Variants in PIKFYVE observed in about 807,000 individuals in gnomAD.
PIKFYVE encodes phosphoinositide kinase, FYVE-type zinc finger containing, also known as 1-phosphatidylinositol 3-phosphate 5-kinase.
PIKFYVE carries 122 observed loss-of-function variants against 257.9 expected under a neutral mutation model. The observed-to-expected ratio is 0.47, with a 90% CI of 0.41 to 0.55. PIKFYVE has a LOEUF of 0.55. Among genes scored for constraint, PIKFYVE ranks in the 20% least tolerant of loss-of-function variants. The probability of loss-of-function intolerance (pLI) is 0.00; values close to 1 mark genes in which losing one functional copy is unlikely to be tolerated. For missense variants in PIKFYVE, 2,160 were observed against 2,536.6 expected (o/e 0.85, Z 3.19); for synonymous variants, 892 against 868.9 (o/e 1.03, Z -0.47).
chr2:208,289,858 G>C (rs1692067732), intron 7 of PIKFYVE, among the ~76,000 whole-genome samples: 2 of 152,136 alleles, frequency 1.3e-5, no homozygotes, highest in African/African-American at 4.8e-5. Flanking sequence ...GTGAGCCACT[G>C]CATCTGGCCA....
At chr2:208,336,253 T>C in intron 27 of PIKFYVE, 53 bp downstream of exon 27, 1 of 1,605,466 alleles carries the variant, frequency 6.2e-7, no homozygotes, top group South Asian at 1.1e-5. Flanking sequence ...TTTGTTCTAA[T>C]GTGATATCTT....
chr2:208,297,518 G>A (rs1240624094), intron 7 of PIKFYVE, among the ~76,000 whole-genome samples: 1 of 151,998 alleles, frequency 6.6e-6, no homozygotes, highest in Non-Finnish European at 1.5e-5. Flanking sequence ...TTTTTCAATT[G>A]ACACCTAATT....
At position 208,329,935 on chromosome 2, in the gene PIKFYVE, C is replaced by T. The variant is rs1866047; in HGVS notation, c.3791+22C>T. ...TCAGGTAAGAACATATTTCTTCCTT[C>T]TGTTCCATTACACATTTTTGATGCT... On this transcript the variant is annotated intron_variant, in intron 22 of 41. Coordinates refer to ENST00000264380, the MANE Select transcript of PIKFYVE (RefSeq NM_015040.4). The T allele has an allele frequency of 1.5e-3, 2,361 of 1,607,860 alleles. 31 individuals are homozygous for T. In the African/African-American group the frequency reaches 0.028, roughly 19 times the overall value.
In PIKFYVE at chr2:208,304,296, A is replaced by C; in HGVS notation, c.1446A>C (p.Glu482Asp). 2 of 1,614,184 alleles carry C rather than the reference A, an allele frequency of 1.2e-6. No homozygotes were observed. The highest frequency in any genetic ancestry group is 8.5e-7 in the Non-Finnish European group (1 of 1,180,008). Residue 482 changes from glutamate (E) to aspartate (D), a missense_variant, in exon 11 of 42, where the codon GAA becomes GAC. Glu to Asp is a conservative substitution (Grantham distance 45). Transcript: ENST00000264380. The stretch of plus-strand genomic sequence containing the variant: ...ACAGTGACACAGAACAGATAGCTGA[A>C]GAAGGTGACGATAATTTGGCTAGTG... ...FDDSDTEQIA[E>D]EGDDNLANSA... is the part of the protein sequence containing the mutation.
At chr2:208,276,867 C>T (rs758650125) in intron 4 of PIKFYVE, 37 bp downstream of exon 4, 35 of 1,531,860 alleles carry the variant, frequency 2.3e-5, no homozygotes, top group African/African-American at 2.7e-5. Context: ...ACTTATTAAG[C>T]GCTTATGGGG....
At position 208,358,133 on chromosome 2, in the gene PIKFYVE, G is replaced by A. The variant is rs1700263869; in HGVS notation, c.*2828G>A. The A allele has an allele frequency of 6.6e-6, 1 of 152,230 alleles. No individual in the cohort carries two copies. The highest frequency in any genetic ancestry group is 2.4e-5 in the African/African-American group (1 of 41,390). 9.4% of individuals were successfully genotyped at this position (152,230 alleles called of 1,614,324 possible). On this transcript the variant is annotated 3_prime_UTR_variant, in exon 42 of 42. Coordinates refer to ENST00000264380, the MANE Select transcript of PIKFYVE (RefSeq NM_015040.4). Reference sequence around the variant, plus strand: ...ATTTTCTAGCTTTGGCTCTTATTAGGTATTGTAAATAGTAGGGTTATATCG... The same window carrying A: ...ATTTTCTAGCTTTGGCTCTTATTAGATATTGTAAATAGTAGGGTTATATCG...
intron 32 of PIKFYVE, among the ~76,000 whole-genome samples, chr2:208,343,343 A>G (rs1236288918): frequency 6.6e-6 from 1 of 152,112 alleles, no homozygotes; most frequent in Non-Finnish European, 1.5e-5. Context: ...CTCATTTTCT[A>G]CTACCCTACA....
chr2:208,331,401 AGAGTCTTGCTCTAT>A (rs1697526891), intron 23 of PIKFYVE, among the ~76,000 whole-genome samples: 1 of 152,072 alleles, frequency 6.6e-6, no homozygotes, highest in African/African-American at 2.4e-5. Flanking sequence ...TTTTTGAGAC[AGAGTCTTGCTCTAT>A]CGCCCGGTCT....
intron 7 of PIKFYVE, among the ~76,000 whole-genome samples, chr2:208,296,213 C>T (rs1196479078): frequency 6.6e-6 from 1 of 152,166 alleles, no homozygotes; most frequent in East Asian, 1.9e-4. Context: ...CCATGTTGGC[C>T]AGGCTGGTCT....
rs149534092 is a variant in PIKFYVE at position 208,330,657 on chromosome 2, C to G, written c.3926C>G (p.Thr1309Arg). 1 of 1,613,778 alleles carries G rather than the reference C, an allele frequency of 6.2e-7. No individual in the cohort carries two copies. The highest frequency in any genetic ancestry group is 1.1e-5 in the South Asian group (1 of 91,070). Residue 1309 changes from threonine to arginine, a missense_variant, in exon 23 of 42, where the codon ACA (threonine) becomes AGA (arginine). Coordinates refer to ENST00000264380, the MANE Select transcript of PIKFYVE (RefSeq NM_015040.4). The stretch of plus-strand genomic sequence containing the variant: ...TCTCCAGTACCTGGATATCAGCATA[C>G]AATTCTTACATATTCCTGGTGTAGA... ...LDSPVPGYQH[T>R]ILTYSWCRIC...
intron 7 of PIKFYVE, among the ~76,000 whole-genome samples, chr2:208,290,392 T>C (rs1692157950): frequency 6.6e-6 from 1 of 152,228 alleles, no homozygotes; most frequent in Non-Finnish European, 1.5e-5. Flanking sequence ...ACTTTTCGGA[T>C]AGGCTTCTTT....
At chr2:208,293,027 T>G (rs909049415) in intron 7 of PIKFYVE, among the ~76,000 whole-genome samples, 15 of 152,204 alleles carry the variant, frequency 9.9e-5, no homozygotes, top group African/African-American at 3.6e-4. Context: ...TGTATTTAAT[T>G]GAGCATTTTA....
intron 3 of PIKFYVE, chr2:208,274,050 A>G: frequency 6.2e-7 from 1 of 1,612,026 alleles, no homozygotes; most frequent in South Asian, 1.1e-5. Flanking sequence ...CCAGGAGAAC[A>G]CAGGTTAGTT....
Position 208,326,155 on chromosome 2 carries a change from G to A in PIKFYVE, c.3344G>A (p.Gly1115Asp). 6.2e-7 allele frequency: 1 copy of A among 1,613,982 alleles called. No homozygotes were observed. ...QLLRDLSGLQ[G>D]MNGSIQAKSI... The stretch of plus-strand genomic sequence containing the variant: ...CTCAGGGATCTCTCTGGACTTCAGG[G>A]CATGAATGGAAGTATTCAGGCCAAG... Residue 1115 changes from glycine (G) to aspartate (D), a missense_variant, in exon 20 of 42, where the codon GGC becomes GAC. Gly to Asp is a moderately conservative substitution (Grantham distance 94, BLOSUM62 -1). Coordinates refer to ENST00000264380, the MANE Select transcript of PIKFYVE (RefSeq NM_015040.4).
intron 6 of PIKFYVE, among the ~76,000 whole-genome samples, chr2:208,287,674 C>T (rs1272071402): frequency 6.6e-6 from 1 of 152,166 alleles, no homozygotes; most frequent in Non-Finnish European, 1.5e-5. Flanking sequence ...GATCTTGACT[C>T]ACTGCAACCT....
In PIKFYVE at chr2:208,285,758, A is replaced by G. The variant is rs1691490766; in HGVS notation, c.646A>G (p.Ile216Val). Reference protein sequence around the residue: ...DLRACTYCRKIALSYAHSTDS... With the variant: ...DLRACTYCRKVALSYAHSTDS... ...CCGAGCTTGCACATATTGTAGAAAA[A>G]TAGCCTTAAGTTATGCTCATTCCAC... The change falls in exon 6 of 42, where the codon ATA (isoleucine) becomes GTA (valine). Residue 216 changes from isoleucine to valine, a missense_variant. Ile to Val is a conservative substitution (Grantham distance 29, BLOSUM62 3). Around this residue, in one of 12 missense-constraint regions of PIKFYVE, gnomAD observed 187 missense variants for 185.6 expected, o/e 1.01. Transcript: ENST00000264380. The G allele has an allele frequency of 6.2e-7, 1 of 1,614,024 alleles. No homozygotes were observed.
intron 23 of PIKFYVE, among the ~76,000 whole-genome samples, chr2:208,331,000 T>C (rs74669360): frequency 0.011 from 1,745 of 152,278 alleles, 29 homozygotes; most frequent in African/African-American, 0.04. Flanking sequence ...TTAGCACCAT[T>C]TATGTGCCAG....
intron 3 of PIKFYVE, among the ~76,000 whole-genome samples, chr2:208,274,785 T>C (rs1689893841): frequency 1.3e-5 from 2 of 150,918 alleles, no homozygotes; most frequent in Non-Finnish European, 1.5e-5. Context: ...TTAACCTCAA[T>C]AAACTCTCCT....
chr2:208,339,445 G>A lies in PIKFYVE; in HGVS notation c.4700G>A (p.Ser1567Asn), dbSNP rs199513238. ...KEDRFLTTLS[S>N]QSSTSSTHLQ... ...GATCGCTTCTTAACAACTTTGTCCAGCCAGAGCTCCACCAGTTCTACTCAT... is the reference window on the plus strand; with the variant it reads ...GATCGCTTCTTAACAACTTTGTCCAACCAGAGCTCCACCAGTTCTACTCAT... The change falls in exon 30 of 42, where the codon AGC becomes AAC. Residue 1567 changes from serine to asparagine, a missense_variant. Around this residue, in one of 12 missense-constraint regions of PIKFYVE, gnomAD observed 699 missense variants for 855.8 expected, o/e 0.82. Transcript: ENST00000264380. The A allele has an allele frequency of 1.9e-6, 3 of 1,614,124 alleles. No individual in the cohort carries two copies. Among genetic ancestry groups the A allele is most frequent in the African/African-American group, 2.7e-5 (2 of 75,034 alleles).
Sources: allele counts gnomAD v4.1 joint callset (sites outside exome capture counted in the v4.1 genomes callset), GRCh38; gene constraint gnomAD v4.1.1; regional missense constraint gnomAD v4.1.1; transcripts MANE v1.5; gene names NCBI Gene and HGNC (gene_info 2026-07-23, HGNC 2026-07-21).